The following BBS9 variants were observed in gnomAD, a reference collection of about 807,000 sequenced individuals.
BBS9 encodes Bardet-Biedl syndrome 9.
Under a neutral mutation model 117.7 loss-of-function variants are expected in BBS9, and 89 were observed. That is an observed-to-expected ratio of 0.76 (90% CI 0.64 to 0.90). BBS9 has a LOEUF of 0.90. Among genes scored for constraint, BBS9 ranks in the 40% least tolerant of loss-of-function variants. BBS9 has a pLI of 0.00. For synonymous variants in BBS9, 379 were observed against 370.9 expected, an observed-to-expected ratio of 1.02 and a Z score of -0.25; for missense variants, 982 against 1,042.2, an observed-to-expected ratio of 0.94 and a Z score of 0.80.
rs554103539 is a variant in BBS9, at chr7:33,292,781, G to A, written c.1016+18825G>A. Among the ~76,000 whole-genome samples the A allele has an allele frequency of 3.3e-5, 5 of 152,266 alleles. No homozygotes were observed. The South Asian group carries it at 8.3e-4, about 25-fold the overall frequency. ...CCAGCACTTTGGGAAGCCAAGGCAG[G>A]TGGATCACGAGATCAGGACTTCGAG... On this transcript the variant is annotated intron_variant, in intron 9 of 22. Transcript: ENST00000242067.
chr7:33,498,607 A>G (rs1202269607), intron 19 of BBS9, among the ~76,000 whole-genome samples: 1 of 152,170 alleles, frequency 6.6e-6, no homozygotes. Flanking sequence ...ATGGAATCAT[A>G]CAATATGTTT....
intron 19 of BBS9, among the ~76,000 whole-genome samples, chr7:33,482,605 A>G (rs1842643848): frequency 6.6e-6 from 1 of 152,214 alleles, no homozygotes; most frequent in East Asian, 1.9e-4. Context: ...CCTAATTACT[A>G]ATTTTAGAAA....
chr7:33,610,231 A>G (rs1054330364), downstream of BBS9, among the ~76,000 whole-genome samples: 4 of 152,106 alleles, frequency 2.6e-5, no homozygotes, highest in African/African-American at 9.7e-5. Flanking sequence ...AATAACTCCA[A>G]AATATGTATG....
chr7:33,488,690 C>A (rs1404052979), intron 19 of BBS9, among the ~76,000 whole-genome samples: 2 of 152,032 alleles, frequency 1.3e-5, no homozygotes, highest in African/African-American at 4.8e-5. Flanking sequence ...TGTCCTTGTT[C>A]TCAAAAAACA....
chr7:33,132,694 C>T (rs927405912), intron 1 of BBS9, among the ~76,000 whole-genome samples: 3 of 152,068 alleles, frequency 2.0e-5, no homozygotes, highest in Admixed American at 1.3e-4. Flanking sequence ...TGTTCCTTAC[C>T]ATCTTTCCTA....
intron 4 of BBS9, among the ~76,000 whole-genome samples, chr7:33,159,044 A>G (rs772011622): frequency 4.6e-5 from 7 of 151,882 alleles, no homozygotes; most frequent in Non-Finnish European, 8.8e-5. Flanking sequence ...GCCTCCTTTG[A>G]TTGGCCAAAA....
At position 33,558,356 on chromosome 7, in the gene BBS9, C is replaced by T. The variant is rs116030280; in HGVS notation, c.2521+24180C>T. ...AGGAAGCCTTACTGAGGTGGGGGCA[C>T]GTGAGGTGAGGATGGATGGGAAGGA... On this transcript the variant is annotated intron_variant, in intron 21 of 22. Transcript: ENST00000242067. Among the ~76,000 whole-genome samples the T allele has an allele frequency of 2.3e-3, 344 of 151,972 alleles. 2 individuals carry two copies. The highest frequency in any genetic ancestry group is 7.8e-3 in the African/African-American group (325 of 41,434).
At chr7:33,147,573 CT>C (rs1792619681) in intron 2 of BBS9, among the ~76,000 whole-genome samples, 2 of 152,156 alleles carry the variant, frequency 1.3e-5, no homozygotes, top group African/African-American at 4.8e-5. Context: ...AACCCTGCCT[CT>C]GCCCCCGCTA....
At chr7:33,287,877 G>T (rs1035432588) in intron 9 of BBS9, among the ~76,000 whole-genome samples, 1 of 152,122 alleles carries the variant, frequency 6.6e-6, no homozygotes, top group Non-Finnish European at 1.5e-5. Context: ...GGCAGTTAGG[G>T]TGGGTCCTCA....
intron 21 of BBS9, among the ~76,000 whole-genome samples, chr7:33,603,308 G>A (rs978702118): frequency 1.3e-5 from 2 of 151,864 alleles, no homozygotes; most frequent in Admixed American, 6.6e-5. Flanking sequence ...GCTCTTCCCT[G>A]TCATTAGTCT....
chr7:33,132,529 A>G (rs533314626), intron 1 of BBS9, among the ~76,000 whole-genome samples: 1 of 152,364 alleles, frequency 6.6e-6, no homozygotes, highest in South Asian at 2.1e-4. Context: ...AAAAGGGGAT[A>G]AAATGCAAAC....
intron 20 of BBS9, among the ~76,000 whole-genome samples, chr7:33,532,063 C>A (rs762674234): frequency 6.6e-6 from 1 of 152,214 alleles, no homozygotes; most frequent in Non-Finnish European, 1.5e-5. Context: ...GCAAACAGCA[C>A]CCACGTCACA....
chr7:33,259,888 C>T (rs1797678388), intron 6 of BBS9, among the ~76,000 whole-genome samples: 1 of 150,982 alleles, frequency 6.6e-6, no homozygotes. Flanking sequence ...ACTTGGATTT[C>T]CGTTTTTTTT....
At chr7:33,179,017 G>C (rs920861970) in intron 5 of BBS9, among the ~76,000 whole-genome samples, 25 of 152,044 alleles carry the variant, frequency 1.6e-4, no homozygotes, top group Admixed American at 7.9e-4. Context: ...TTAGATGAGG[G>C]GAGAGTCTGT....
intron 19 of BBS9, among the ~76,000 whole-genome samples, chr7:33,469,611 A>G (rs929922741): frequency 6.6e-6 from 1 of 152,206 alleles, no homozygotes; most frequent in African/African-American, 2.4e-5. Flanking sequence ...GGAGGGTTAA[A>G]TGAACTGCAA....
At position 33,603,956 on chromosome 7, in the gene BBS9, C is replaced by T. The variant is rs560023712; in HGVS notation, c.2522-909C>T. Among the ~76,000 whole-genome samples the T allele has an allele frequency of 2.3e-4, 35 of 152,292 alleles. 1 individual carries two copies. Among genetic ancestry groups the T allele is most frequent in the African/African-American group, 7.2e-4 (30 of 41,574 alleles). On this transcript the variant is annotated intron_variant, in intron 21 of 22. Transcript: ENST00000242067. ...TTGAAATCAGTGCTGCTGATACCCTCTCTTTCCTCAGAATGATGTGAGCTT... is the reference window on the plus strand; with the variant it reads ...TTGAAATCAGTGCTGCTGATACCCTTTCTTTCCTCAGAATGATGTGAGCTT...
chr7:33,565,827 A>G (rs1856822391), intron 21 of BBS9, among the ~76,000 whole-genome samples: 1 of 42,862 alleles, frequency 2.3e-5, no homozygotes, highest in Admixed American at 1.8e-4. Flanking sequence ...ATATATATAT[A>G]CCGCTATATA....
intron 5 of BBS9, among the ~76,000 whole-genome samples, chr7:33,230,869 T>G (rs995140394): frequency 6.6e-6 from 1 of 152,218 alleles, no homozygotes; most frequent in Non-Finnish European, 1.5e-5. Flanking sequence ...TGAATTGTGC[T>G]GCAATAAACA....
At chr7:33,176,729 A>G (rs1182449443) in intron 4 of BBS9, among the ~76,000 whole-genome samples, 1 of 152,150 alleles carries the variant, frequency 6.6e-6, no homozygotes, top group Non-Finnish European at 1.5e-5. Flanking sequence ...TAACTTTTAC[A>G]TTTTGGATTA....
Sources: gnomAD v4.1 joint callset for allele counts (sites outside exome capture counted in the v4.1 genomes callset) on GRCh38, gnomAD v4.1.1 for gene constraint, MANE v1.5 for transcripts, NCBI Gene and HGNC (gene_info 2026-07-23, HGNC 2026-07-21) for gene names.